Variants in PLXNA4 observed in about 807,000 individuals in gnomAD.
PLXNA4 encodes plexin A4.
PLXNA4 carries 44 observed loss-of-function variants against 191.8 expected under a neutral mutation model. That is an observed-to-expected ratio of 0.23 (90% CI 0.18 to 0.29). The LOEUF is 0.29. Ranked by LOEUF, PLXNA4 falls within the 10% of genes least tolerant of loss-of-function variation. PLXNA4 has a pLI of 1.00. For synonymous variants in PLXNA4, 1,082 were observed against 1,009.5 expected, an observed-to-expected ratio of 1.07 and a Z score of -1.36; for missense variants, 1,800 against 2,488.8, an observed-to-expected ratio of 0.72 and a Z score of 5.89.
chr7:132,140,524 G>A (rs1795237592), intron 30 of PLXNA4, 75 bp downstream of exon 30: 1 of 1,568,352 alleles, frequency 6.4e-7, no homozygotes, highest in Admixed American at 1.9e-5. Context: ...TTTTTGATGG[G>A]GAGGGGACCT....
intron 3 of PLXNA4, among the ~76,000 whole-genome samples, chr7:132,332,266 T>C (rs1802618043): frequency 6.6e-6 from 1 of 152,180 alleles, no homozygotes. Context: ...GGCAATGCAC[T>C]ACCAGGGTCA....
chr7:132,143,585 G>T (rs1050913604), intron 29 of PLXNA4, among the ~76,000 whole-genome samples: 1 of 152,310 alleles, frequency 6.6e-6, no homozygotes, highest in South Asian at 2.1e-4. Context: ...AACATTCAAT[G>T]GAGGCAGTAA....
At chr7:132,412,075 A>T (rs1794478179) in intron 3 of PLXNA4, among the ~76,000 whole-genome samples, 1 of 152,088 alleles carries the variant, frequency 6.6e-6, no homozygotes, top group African/African-American at 2.4e-5. Context: ...TCCTCGACTT[A>T]GAACACTCTT....
At chr7:132,318,661 C>CTTTTTT (rs56179808) in intron 3 of PLXNA4, among the ~76,000 whole-genome samples, 12 of 109,874 alleles carry the variant, frequency 1.1e-4, no homozygotes, top group East Asian at 2.7e-4. Flanking sequence ...ACGCACTTTG[C>CTTTTTT]TTTTTTTTTT....
intron 25 of PLXNA4, among the ~76,000 whole-genome samples, chr7:132,155,516 CTCG>C (rs941537922): frequency 3.2e-4 from 48 of 152,338 alleles, no homozygotes; most frequent in African/African-American, 1.1e-3. Context: ...GTAGGATCTT[CTCG>C]TGTTTGTTGA....
At chr7:132,203,143 C>T (rs1396655771) in intron 11 of PLXNA4, among the ~76,000 whole-genome samples, 180 bp downstream of exon 11, 1 of 152,156 alleles carries the variant, frequency 6.6e-6, no homozygotes, top group Non-Finnish European at 1.5e-5. Flanking sequence ...AGAGCCCATG[C>T]TCAAGAAGTA....
chr7:132,458,161 A>T (rs977609783), intron 3 of PLXNA4, among the ~76,000 whole-genome samples: 1 of 152,004 alleles, frequency 6.6e-6, no homozygotes, highest in African/African-American at 2.4e-5. Context: ...CAGTCTGAAA[A>T]CGACAATGTA....
At chr7:132,236,645 G>A (rs1028341951) in intron 5 of PLXNA4, among the ~76,000 whole-genome samples, 8 of 152,108 alleles carry the variant, frequency 5.3e-5, no homozygotes, top group African/African-American at 1.9e-4. Context: ...TCATATCACT[G>A]AGCCTGGCAC....
chr7:132,459,036 T>C (rs950512478), intron 3 of PLXNA4, among the ~76,000 whole-genome samples: 2 of 152,196 alleles, frequency 1.3e-5, no homozygotes, highest in African/African-American at 4.8e-5. Context: ...GCCTGAAATA[T>C]GCAGCTTAGG....
chr7:132,148,714 G>T, intron 25 of PLXNA4, 68 bp from the exon 26 acceptor site: 1 of 1,605,844 alleles, frequency 6.2e-7, no homozygotes, highest in East Asian at 2.2e-5. Flanking sequence ...TGAGGACCCT[G>T]TGTAGGTACC....
intron 4 of PLXNA4, among the ~76,000 whole-genome samples, chr7:132,264,769 C>T (rs1232917836): frequency 2.6e-5 from 4 of 151,522 alleles, no homozygotes; most frequent in African/African-American, 9.7e-5. Context: ...GCCATCTCGG[C>T]TCACTGCAAC....
chr7:132,424,961 G>A (rs1034768137), intron 3 of PLXNA4, among the ~76,000 whole-genome samples: 3 of 152,092 alleles, frequency 2.0e-5, no homozygotes, highest in Admixed American at 1.3e-4. Context: ...TCAGCATCAC[G>A]GCACCTGGGT....
In PLXNA4 at chr7:132,298,273, A is replaced by G. The variant is rs547290972; in HGVS notation, c.1372-51T>C. 2.7e-5 allele frequency: 43 copies of G among 1,565,620 alleles called. No homozygotes were observed. The Admixed American group carries it at 5.9e-4, about 22-fold the overall frequency. Reference sequence around the variant, plus strand: ...AGTGAGTTCAGATCCTGCACTGCCCACAGCCAAACTTCAGCCAAAGACCCT... The same window carrying G: ...AGTGAGTTCAGATCCTGCACTGCCCGCAGCCAAACTTCAGCCAAAGACCCT... On this transcript the variant is annotated intron_variant, in intron 3 of 31. Coordinates refer to ENST00000321063, the MANE Select transcript of PLXNA4 (RefSeq NM_020911.2).
chr7:132,140,574 C>T, intron 30 of PLXNA4, 25 bp downstream of exon 30: 1 of 1,610,438 alleles, frequency 6.2e-7, no homozygotes, highest in Non-Finnish European at 8.5e-7. Context: ...GGGGCCCTGA[C>T]TTGGCTCCGT....
At chr7:132,243,629 G>T (rs943990607) in intron 4 of PLXNA4, among the ~76,000 whole-genome samples, 4 of 152,088 alleles carry the variant, frequency 2.6e-5, no homozygotes, top group Non-Finnish European at 4.4e-5. Flanking sequence ...TCAGAGCTAG[G>T]TTCAAATTCT....
In PLXNA4 at chr7:132,194,164, C is replaced by A; in HGVS notation, c.2754G>T (p.Met918Ile). 2 of 1,613,612 alleles carry A rather than the reference C, an allele frequency of 1.2e-6. No individual in the cohort carries two copies. Among genetic ancestry groups the A allele is most frequent in the Non-Finnish European group, 1.7e-6 (2 of 1,179,652 alleles). The change falls in exon 14 of 32, where the codon ATG (methionine) becomes ATT (isoleucine). Residue 918 changes from methionine to isoleucine, a missense_variant. Coordinates refer to ENST00000321063, the MANE Select transcript of PLXNA4 (RefSeq NM_020911.2). ...CATGCTGGCTGGGCTTGGCCTCCCC[C>A]ATCTCACACACGATCCTGCAGGGAG... ...YIPAEQIVCE[M>I]GEAKPSQHAG...
chr7:132,482,015 T>C (rs1201279703), intron 3 of PLXNA4, among the ~76,000 whole-genome samples: 1 of 152,212 alleles, frequency 6.6e-6, no homozygotes, highest in African/African-American at 2.4e-5. Context: ...AGGAAGGCCG[T>C]GTCCTTTTCC....
At chr7:132,234,008 A>C (rs1316011675) in intron 5 of PLXNA4, among the ~76,000 whole-genome samples, 1 of 152,014 alleles carries the variant, frequency 6.6e-6, no homozygotes, top group Non-Finnish European at 1.5e-5. Context: ...GGCTAGCTCT[A>C]TTAGGGCCTA....
Position 132,146,493 on chromosome 7 carries a change from G to C in PLXNA4, c.5055+17C>G, listed in dbSNP as rs374391865. 3.7e-5 allele frequency: 59 copies of C among 1,614,058 alleles called. No homozygotes were observed. The highest frequency in any genetic ancestry group is 4.7e-5 in the Non-Finnish European group (55 of 1,180,032). On this transcript the variant is annotated intron_variant, in intron 28 of 31. Coordinates refer to ENST00000321063, the MANE Select transcript of PLXNA4 (RefSeq NM_020911.2). ...ATAGCCTCTGGGCTCCCTGCACCCA[G>C]TTCTCAAGTCTGATACCTTAGTGGC...
Sources: gnomAD v4.1 joint callset for allele counts (sites outside exome capture counted in the v4.1 genomes callset) on GRCh38, gnomAD v4.1.1 for gene constraint, MANE v1.5 for transcripts, NCBI Gene and HGNC (gene_info 2026-07-23, HGNC 2026-07-21) for gene names.